SORL1: variants seen among roughly 807,000 people sequenced by gnomAD.
The protein encoded by SORL1 is sortilin related receptor 1.
A neutral mutation model predicts 273.7 loss-of-function variants in SORL1; 127 were observed. That is an observed-to-expected ratio of 0.46 (90% CI 0.40 to 0.54). SORL1 has a LOEUF of 0.54. Among genes scored for constraint, SORL1 ranks in the 20% least tolerant of loss-of-function variants. SORL1 has a pLI of 0.00. For synonymous variants in SORL1, 1,031 were observed against 1,067.4 expected (o/e 0.97, Z 0.66); for missense variants, 2,494 against 2,846.1 (o/e 0.88, Z 2.81).
chr11:121,616,935 G>T (rs1863651609), intron 41 of SORL1, among the ~76,000 whole-genome samples: 1 of 152,218 alleles, frequency 6.6e-6, no homozygotes, highest in Admixed American at 6.5e-5. Flanking sequence ...CACTGGTTTG[G>T]TCCAGAAAGG....
chr11:121,550,259 C>T lies in SORL1; in HGVS notation c.2180+171C>T, dbSNP rs1480766250. ...ATTATGGTATTTGTAAACTCTCCTA[C>T]CTCCACATTGCAAGTCTGTAAGCAT... On this transcript the variant is annotated intron_variant, in intron 15 of 47. Coordinates refer to ENST00000260197, the MANE Select transcript of SORL1 (RefSeq NM_003105.6). The surrounding 1 kb of genome is among the most constrained non-coding windows in gnomAD (Gnocchi z 5.3). Among the ~76,000 whole-genome samples the T allele has an allele frequency of 2.6e-5, 4 of 152,198 alleles. No homozygotes were observed. The highest frequency in any genetic ancestry group is 2.6e-4 in the Admixed American group (4 of 15,282).
At chr11:121,618,948 T>C in intron 42 of SORL1, 55 bp downstream of exon 42, 4 of 1,602,760 alleles carry the variant, frequency 2.5e-6, no homozygotes. Flanking sequence ...TCCTGGGCTC[T>C]GGTCTCAACC....
chr11:121,514,168 A>G lies in SORL1; in HGVS notation c.1058A>G (p.Asp353Gly). The G allele has an allele frequency of 6.2e-7, 1 of 1,613,028 alleles. No homozygotes were observed. The highest frequency in any genetic ancestry group is 8.5e-7 in the Non-Finnish European group (1 of 1,179,706). Residue 353 changes from aspartate (D) to glycine (G), a missense_variant, in exon 8 of 48, where the codon GAT (aspartate) becomes GGT (glycine). Transcript: ENST00000260197. ...RHPINEYYIA[D>G]ASEDQVFVCV... ...ATTCCAAAGGAATATTACATCGCAG[A>G]TGCCTCCGAGGACCAGGTGTTTGTG...
intron 40 of SORL1, among the ~76,000 whole-genome samples, chr11:121,613,937 C>T (rs1333254228): frequency 6.6e-6 from 1 of 152,172 alleles, no homozygotes; most frequent in Admixed American, 6.5e-5. Flanking sequence ...TTTTTTTCTC[C>T]CTGCCAGCCA....
intron 41 of SORL1, 130 bp downstream of exon 41, chr11:121,615,185 C>G (rs1038639895): frequency 8.8e-6 from 6 of 681,250 alleles, no homozygotes; most frequent in South Asian, 2.4e-5. Context: ...GGATATAGGC[C>G]TTTCTTTTTC....
intron 41 of SORL1, among the ~76,000 whole-genome samples, chr11:121,617,812 C>T (rs932224389): frequency 6.6e-6 from 1 of 152,220 alleles, no homozygotes; most frequent in African/African-American, 2.4e-5. Context: ...CAGTTTCCAA[C>T]GTTTACCAGT....
chr11:121,587,985 C>T (rs746745373), intron 27 of SORL1, 35 bp from the exon 28 acceptor site: 7 of 1,609,886 alleles, frequency 4.3e-6, no homozygotes, highest in Middle Eastern at 3.3e-4. Flanking sequence ...AGCCGCAGTG[C>T]TCATGGCCTC....
At chr11:121,514,751 A>G (rs1474581795) in intron 8 of SORL1, among the ~76,000 whole-genome samples, 1 of 152,164 alleles carries the variant, frequency 6.6e-6, no homozygotes, top group Admixed American at 6.5e-5. Context: ...TTTAAGAGAT[A>G]ATCGGACGGT....
chr11:121,612,819 A>G lies in SORL1; in HGVS notation c.5406A>G (p.Ile1802Met), dbSNP rs1431934166. The G allele has an allele frequency of 6.2e-7, 1 of 1,613,004 alleles. No homozygotes were observed. Among genetic ancestry groups the G allele is most frequent in the East Asian group, 2.2e-5 (1 of 44,878 alleles). ...ERRTLNFRGSILSHKVGNLTA... is the reference protein window; with the variant it reads ...ERRTLNFRGSMLSHKVGNLTA... ...GAACTTTGAACTTCCGAGGAAGCAT[A>G]TTGTCACACAAAGGTAACACTTTGG... The change falls in exon 40 of 48, where the codon ATA (isoleucine) becomes ATG (methionine). Residue 1802 changes from isoleucine to methionine, a missense_variant. This residue lies in a region of SORL1 where 1,609 missense variants were observed against 1,816.4 expected (regional missense o/e 0.89). Transcript: ENST00000260197.
chr11:121,568,449 A>G (rs1244998418), intron 22 of SORL1, among the ~76,000 whole-genome samples: 1 of 152,256 alleles, frequency 6.6e-6, no homozygotes, highest in African/African-American at 2.4e-5. Context: ...GCCTTTGATT[A>G]TCCAAATATG....
At chr11:121,540,234 G>C (rs1438104340) in intron 12 of SORL1, among the ~76,000 whole-genome samples, 2 of 151,968 alleles carry the variant, frequency 1.3e-5, no homozygotes, top group African/African-American at 4.8e-5. Flanking sequence ...GAGTATCTGT[G>C]GTTATATTAT....
intron 45 of SORL1, among the ~76,000 whole-genome samples, chr11:121,624,059 G>A (rs1241323837): frequency 2.6e-5 from 4 of 152,194 alleles, no homozygotes; most frequent in Non-Finnish European, 4.4e-5. Flanking sequence ...AAAACCATCA[G>A]ATCTTGTGAG....
At chr11:121,503,271 A>G (rs1212650593) in intron 6 of SORL1, among the ~76,000 whole-genome samples, 2 of 151,924 alleles carry the variant, frequency 1.3e-5, no homozygotes, top group African/African-American at 2.4e-5. Context: ...TCATGAATAT[A>G]TACTTCCCTT....
In SORL1 at chr11:121,574,287, T is replaced by C. The variant is rs1447309474; in HGVS notation, c.3384T>C (p.Ser1128=). The change falls in exon 24 of 48, where the codon TCT becomes TCC. Residue 1128 remains serine (S), a synonymous_variant. Coordinates refer to ENST00000260197, the MANE Select transcript of SORL1 (RefSeq NM_003105.6). ...ACACCCAGTTTCGTTGCCAGGAGTC[T>C]GGGACTTGTATCCCACTGTCCTATA... is the stretch of plus-strand genomic sequence containing the variant. ...DLDTQFRCQE[S]GTCIPLSYKC... is the part of the protein sequence containing the mutation. 6.2e-7 allele frequency: 1 copy of C among 1,613,888 alleles called. No individual in the cohort carries two copies. Among genetic ancestry groups the C allele is most frequent in the Admixed American group, 1.7e-5 (1 of 60,032 alleles).
chr11:121,494,215 CCTGGGAGAAAGGA>C (rs1329265341), intron 5 of SORL1, among the ~76,000 whole-genome samples: 2 of 151,626 alleles, frequency 1.3e-5, no homozygotes, highest in Admixed American at 1.3e-4. Context: ...ATACAGATAT[CCTGGGAGAAAGGA>C]CTGGTTTATC....
intron 24 of SORL1, chr11:121,576,658 C>A: frequency 1.1e-6 from 1 of 933,844 alleles, no homozygotes; most frequent in Non-Finnish European, 1.5e-6. Context: ...ATTGCCAGGG[C>A]AGCCTCCTTC....
At position 121,550,436 on chromosome 11, in the gene SORL1, C is replaced by T; in HGVS notation, c.2181-149C>T. ...AGTCTAATTATAAGGAGAACTGACTCAGAACTACGAACATCCTCTTTCTAG... is the reference window on the plus strand; with the variant it reads ...AGTCTAATTATAAGGAGAACTGACTTAGAACTACGAACATCCTCTTTCTAG... On this transcript the variant is annotated intron_variant, in intron 15 of 47. Coordinates refer to ENST00000260197, the MANE Select transcript of SORL1 (RefSeq NM_003105.6). This position sits in a 1 kb window ranked among gnomAD's most constrained non-coding sequence, Gnocchi z 5.3. The T allele has an allele frequency of 1.3e-6, 1 of 758,070 alleles. No homozygotes were observed. Among genetic ancestry groups the T allele is most frequent in the Non-Finnish European group, 2.3e-6 (1 of 437,176 alleles). 47.0% of individuals were successfully genotyped at this position (758,070 alleles called of 1,614,324 possible). A position where few individuals can be genotyped will look rare whatever the true frequency, so the allele number is the denominator to read the frequency against.
chr11:121,551,185 T>C (rs1190129649), intron 16 of SORL1, among the ~76,000 whole-genome samples: 1 of 152,256 alleles, frequency 6.6e-6, no homozygotes, highest in Non-Finnish European at 1.5e-5. Flanking sequence ...TTTTGTTTTT[T>C]ACTTTTTCAC....
At position 121,453,766 on chromosome 11, in the gene SORL1, G is replaced by A. The variant is rs566654605; in HGVS notation, c.285+1150G>A. Among the ~76,000 whole-genome samples, 10 of 152,356 alleles carry A rather than the reference G, an allele frequency of 6.6e-5. No homozygotes were observed. In the East Asian group the frequency reaches 1.9e-3, roughly 29 times the overall value. On this transcript the variant is annotated intron_variant, in intron 1 of 47. Transcript: ENST00000260197. ...ATTTTGTTGGTGAAGAAACTGAAGC[G>A]TGGAATGGTGAAGTGACTAGTCCAA...
Sources: gnomAD v4.1 joint callset for allele counts (sites outside exome capture counted in the v4.1 genomes callset) on GRCh38, gnomAD v4.1.1 for gene constraint, gnomAD v4.1.1 regional missense constraint, Gnocchi (gnomAD v3.1) non-coding constraint, MANE v1.5 for transcripts, NCBI Gene and HGNC (gene_info 2026-07-23, HGNC 2026-07-21) for gene names.